The following RC3H1 variants were observed in gnomAD, a reference collection of about 807,000 sequenced individuals.
RC3H1 encodes roquin-1.
In RC3H1, 50 loss-of-function variants were observed where a neutral mutation model predicts 138.2. The observed-to-expected ratio is 0.36, with a 90% confidence interval of 0.29 to 0.46. The LOEUF is 0.46. Among genes scored for constraint, RC3H1 ranks in the 20% least tolerant of loss-of-function variants. The pLI, the probability that RC3H1 is intolerant of heterozygous loss-of-function variation, is 1.00. For synonymous variants in RC3H1, 462 were observed against 489.1 expected, an observed-to-expected ratio of 0.94 and a Z score of 0.73; for missense variants, 1,031 against 1,388.1, an observed-to-expected ratio of 0.74 and a Z score of 4.09.
At chr1:173,971,062 A>T (rs1290636579) in intron 8 of RC3H1, among the ~76,000 whole-genome samples, 1 of 151,656 alleles carries the variant, frequency 6.6e-6, no homozygotes, top group Admixed American at 6.6e-5. Flanking sequence ...CCCCGGCTCA[A>T]GCGATTCTCC....
intron 14 of RC3H1, 50 bp downstream of exon 14, chr1:173,951,936 A>C (rs759081009): frequency 2.0e-6 from 3 of 1,514,784 alleles, no homozygotes; most frequent in Non-Finnish European, 2.7e-6. Context: ...GTAAAAATTT[A>C]TTTGGTTTAT....
chr1:174,009,690 T>C (rs946685533), intron 1 of RC3H1, among the ~76,000 whole-genome samples: 1 of 151,840 alleles, frequency 6.6e-6, no homozygotes, highest in Non-Finnish European at 1.5e-5. Context: ...CACAAAAAAT[T>C]AGCTGGGTAT....
At position 173,934,250 on chromosome 1, in the gene RC3H1, A is replaced by G. The variant is rs962297645; in HGVS notation, c.*4471T>C. On this transcript the variant is annotated 3_prime_UTR_variant, in exon 20 of 20. Coordinates refer to ENST00000367696, the MANE Select transcript of RC3H1 (RefSeq NM_172071.4). ...TGTCTTGAATTTTAACAATCTGTAC[A>G]TGTACTGACTATAGTTAGTTATTTC... 6.6e-6 allele frequency: 1 copy of G among 152,122 alleles called. No individual in the cohort carries two copies. The highest frequency in any genetic ancestry group is 2.4e-5 in the African/African-American group (1 of 41,444). The allele number at this position is 152,122 out of a possible 1,614,324, so 9.4% of individuals were successfully genotyped here.
Position 174,020,817 on chromosome 1 carries a change from T to G in RC3H1, c.-151+1279A>C, listed in dbSNP as rs1661943546. On this transcript the variant is annotated intron_variant, in intron 1 of 19. Transcript: ENST00000367696. ...TGAGGTCAGGAGTTCCAGACCAGCC[T>G]GGCCAACATGGTGAAACCCCGTCTC... is the stretch of plus-strand genomic sequence containing the variant. Among the ~76,000 whole-genome samples, 2 of 152,146 alleles carry G rather than the reference T, an allele frequency of 1.3e-5. 1 individual carries two copies. Among genetic ancestry groups the G allele is most frequent in the South Asian group, 4.1e-4 (2 of 4,830 alleles).
intron 9 of RC3H1, 39 bp from the exon 10 acceptor site, chr1:173,965,159 TAAAAGC>T: frequency 6.4e-7 from 1 of 1,552,432 alleles, no homozygotes; most frequent in Non-Finnish European, 8.7e-7. Flanking sequence ...AAAGCAAATA[TAAAAGC>T]AAAACCAAGA....
At chr1:173,945,746 A>G (rs1013402541) in intron 17 of RC3H1, among the ~76,000 whole-genome samples, 2 of 151,310 alleles carry the variant, frequency 1.3e-5, no homozygotes, top group Non-Finnish European at 2.9e-5. Flanking sequence ...CTCACACTGT[A>G]GCCTGGGCTG....
At chr1:173,945,841 G>A (rs2102862683) in intron 17 of RC3H1, among the ~76,000 whole-genome samples, 1 of 151,844 alleles carries the variant, frequency 6.6e-6, no homozygotes. Flanking sequence ...CTGATTAGCT[G>A]GGATTACAGG....
intron 14 of RC3H1, among the ~76,000 whole-genome samples, chr1:173,950,452 T>C (rs1187407377): frequency 1.7e-5 from 2 of 118,424 alleles, no homozygotes; most frequent in East Asian, 3.3e-4. Context: ...GAGCTGAGCA[T>C]AGTATCACAC....
At chr1:173,970,960 CTTTTTTTTT>C (rs373953604) in intron 8 of RC3H1, among the ~76,000 whole-genome samples, 3 of 132,624 alleles carry the variant, frequency 2.3e-5, no homozygotes, top group Non-Finnish European at 4.8e-5. Context: ...CTCATTTCCA[CTTTTTTTTT>C]TTTTTTTTTT....
intron 11 of RC3H1, 80 bp downstream of exon 11, chr1:173,963,893 G>T: frequency 8.8e-7 from 1 of 1,141,804 alleles, no homozygotes; most frequent in Middle Eastern, 2.9e-4. Flanking sequence ...AGAGGCTACT[G>T]TGTAAATGAT....
chr1:173,952,379 T>G (rs1386731208), intron 13 of RC3H1, among the ~76,000 whole-genome samples: 1 of 145,490 alleles, frequency 6.9e-6, no homozygotes, highest in Non-Finnish European at 1.5e-5. Flanking sequence ...TTTTTTGTTT[T>G]TTTTTTTTAC....
chr1:173,970,347 G>A (rs970386722), intron 9 of RC3H1, among the ~76,000 whole-genome samples, 158 bp downstream of exon 9: 1 of 152,154 alleles, frequency 6.6e-6, no homozygotes, highest in African/African-American at 2.4e-5. Flanking sequence ...GGATTTTGAA[G>A]CATTTCAGAT....
intron 13 of RC3H1, among the ~76,000 whole-genome samples, chr1:173,953,014 T>G (rs1659482568): frequency 6.6e-6 from 1 of 152,154 alleles, no homozygotes; most frequent in South Asian, 2.1e-4. Flanking sequence ...TATTGGTTCA[T>G]TTAAGTGGAT....
intron 13 of RC3H1, 53 bp downstream of exon 13, chr1:173,961,024 C>T (rs1190019586): frequency 1.4e-5 from 21 of 1,554,872 alleles, no homozygotes; most frequent in Non-Finnish European, 1.8e-5. Context: ...ATGACTTAAA[C>T]CGGACACACA....
chr1:173,940,827 C>CTTTT (rs112558924), intron 19 of RC3H1, among the ~76,000 whole-genome samples: 1 of 144,672 alleles, frequency 6.9e-6, no homozygotes, highest in African/African-American at 2.5e-5. Flanking sequence ...CAAAAATATT[C>CTTTT]TTTTTTTTTT....
Position 173,965,135 on chromosome 1 carries a change from T to A in RC3H1, c.1335-15A>T, listed in dbSNP as rs144100107. ...TTTTACGAAATCTATATAAAAAGCA[T>A]AGGCACATATCAAAAAGCAAATATA... On this transcript the variant is annotated splice_polypyrimidine_tract_variant and intron_variant, in intron 9 of 19. Coordinates refer to ENST00000367696, the MANE Select transcript of RC3H1 (RefSeq NM_172071.4). 6.3e-7 allele frequency: 1 copy of A among 1,581,426 alleles called. No homozygotes were observed. The highest frequency in any genetic ancestry group is 1.4e-5 in the African/African-American group (1 of 73,206).
Position 173,975,127 on chromosome 1 carries a change from C to T in RC3H1, c.1103-2500G>A, listed in dbSNP as rs577263220. ...TTGTTTTGTTTTTTTGATGGAGTCT[C>T]GCTCTGTCATCAGGCTGGAGTGCAG... is the stretch of plus-strand genomic sequence containing the variant. On this transcript the variant is annotated intron_variant, in intron 7 of 19. Transcript: ENST00000367696. Among the ~76,000 whole-genome samples, 6 of 152,128 alleles carry T rather than the reference C, an allele frequency of 3.9e-5. No individual in the cohort carries two copies. In the South Asian group the frequency reaches 8.3e-4, roughly 21 times the overall value.
Position 173,961,183 on chromosome 1 carries a change from T to C in RC3H1, c.2264A>G (p.His755Arg). The C allele has an allele frequency of 1.9e-6, 3 of 1,614,140 alleles. No homozygotes were observed. Among genetic ancestry groups the C allele is most frequent in the Non-Finnish European group, 2.5e-6 (3 of 1,180,002 alleles). ...GGCCATTATTTCCTTTCGTCGGCGA[T>C]GTAGTTCATCTAGACTAGGATGAGG... ...PQPHPSLDELHRRRKEIMAQL... is the reference protein window; with the variant it reads ...PQPHPSLDELRRRRKEIMAQL... The change falls in exon 13 of 20, where the codon CAT (histidine) becomes CGT (arginine). Residue 755 changes from histidine (H) to arginine (R), a missense_variant. Around this residue, in one of 7 missense-constraint regions of RC3H1, gnomAD observed 716 missense variants for 837.9 expected, o/e 0.85. Transcript: ENST00000367696.
intron 7 of RC3H1, 124 bp downstream of exon 7, chr1:173,978,364 T>C: frequency 2.1e-6 from 2 of 948,668 alleles, no homozygotes; most frequent in Non-Finnish European, 3.1e-6. Context: ...CTTAAAATAC[T>C]GTAAAAAAGA....
Sources: gnomAD v4.1 joint callset for allele counts (sites outside exome capture counted in the v4.1 genomes callset) on GRCh38, gnomAD v4.1.1 for gene constraint, gnomAD v4.1.1 regional missense constraint, MANE v1.5 for transcripts, NCBI Gene and HGNC (gene_info 2026-07-23, HGNC 2026-07-21) for gene names.